Variants in ACSS3 observed in about 807,000 individuals in gnomAD.
The protein encoded by ACSS3 is acyl-CoA synthetase short-chain family member 3, mitochondrial.
ACSS3 carries 64 observed loss-of-function variants against 84.2 expected under a neutral mutation model. That is an observed-to-expected ratio of 0.76 (90% CI 0.62 to 0.94). ACSS3 has a LOEUF of 0.94. Ranked by LOEUF, ACSS3 falls within the 40% of genes least tolerant of loss-of-function variation. The pLI is 0.00. For synonymous variants in ACSS3, 317 were observed against 310.1 expected (o/e 1.02, Z -0.23); for missense variants, 815 against 867.6 (o/e 0.94, Z 0.76).
chr12:81,089,014 G>A (rs1219417372), intron 1 of ACSS3, among the ~76,000 whole-genome samples: 2 of 151,958 alleles, frequency 1.3e-5, no homozygotes, highest in African/African-American at 4.8e-5. Flanking sequence ...ATGTTTCCTG[G>A]ACAATAGAAA....
In ACSS3 at chr12:81,143,178, C is replaced by T; in HGVS notation, c.852C>T (p.Asp284=). Residue 284 remains aspartate (D), a synonymous_variant, in exon 5 of 16, where the codon GAC becomes GAT. Coordinates refer to ENST00000548058, the MANE Select transcript of ACSS3 (RefSeq NM_024560.4). ...DEEMAKAQSH[D]CVPVLSEHPL... is the part of the protein sequence containing the mutation. ...AGATGGCAAAAGCCCAGTCACATGA[C>T]TGTGTTCCTGTTCTTTCAGAACACC... 1 of 1,613,706 alleles carries T rather than the reference C, an allele frequency of 6.2e-7. No individual in the cohort carries two copies. Among genetic ancestry groups the T allele is most frequent in the Non-Finnish European group, 8.5e-7 (1 of 1,179,676 alleles).
chr12:81,209,611 T>C (rs1364396583), intron 9 of ACSS3, among the ~76,000 whole-genome samples: 2 of 152,056 alleles, frequency 1.3e-5, no homozygotes, highest in African/African-American at 4.8e-5. Flanking sequence ...TCACACAAGA[T>C]TGAATTCAGG....
At chr12:81,107,651 A>G (rs1455962146) in intron 1 of ACSS3, among the ~76,000 whole-genome samples, 1 of 149,512 alleles carries the variant, frequency 6.7e-6, no homozygotes, top group Non-Finnish European at 1.5e-5. Context: ...TTAGATATTT[A>G]TGGCCACAAT....
chr12:81,255,447 G>A lies in ACSS3; in HGVS notation c.*525G>A, dbSNP rs139862959. The A allele has an allele frequency of 7.9e-5, 12 of 152,326 alleles. No individual in the cohort carries two copies. Among genetic ancestry groups the A allele is most frequent in the African/African-American group, 2.9e-4 (12 of 41,548 alleles). 9.4% of individuals were successfully genotyped at this position (152,326 alleles called of 1,614,324 possible). On this transcript the variant is annotated 3_prime_UTR_variant, in exon 16 of 16. Transcript: ENST00000548058. ...GACAGATGAAATTATTATCTAGGTA[G>A]GAGGGCTTTTCTATACATTTTCTGA...
chr12:81,178,859 C>T (rs1593165445), intron 8 of ACSS3, among the ~76,000 whole-genome samples: 2 of 152,094 alleles, frequency 1.3e-5, no homozygotes, highest in Non-Finnish European at 2.9e-5. Flanking sequence ...ACAAAAAGAA[C>T]GAAGCCAGAG....
intron 1 of ACSS3, chr12:81,104,675 G>C (rs530894921): frequency 1.3e-5 from 2 of 151,974 alleles, no homozygotes; most frequent in East Asian, 3.9e-4. Flanking sequence ...AAAACCTCTT[G>C]GGAGCTTGAA....
At chr12:81,108,099 C>A (rs1296761295) in intron 1 of ACSS3, among the ~76,000 whole-genome samples, 2 of 151,896 alleles carry the variant, frequency 1.3e-5, no homozygotes, top group Admixed American at 1.3e-4. Flanking sequence ...TATTTTTGAA[C>A]AAACATGAGA....
chr12:81,229,576 C>G (rs534111798), intron 11 of ACSS3, among the ~76,000 whole-genome samples: 1 of 151,822 alleles, frequency 6.6e-6, no homozygotes, highest in Admixed American at 6.6e-5. Flanking sequence ...ACATAATAAG[C>G]TCAGTTAAGA....
intron 2 of ACSS3, among the ~76,000 whole-genome samples, chr12:81,121,915 A>ATATTATTAT (rs10527532): frequency 0.035 from 5,148 of 146,102 alleles, 219 homozygotes; most frequent in African/African-American, 0.094. Flanking sequence ...AGAGTATGCT[A>ATATTATTAT]TATTATTATT....
intron 8 of ACSS3, among the ~76,000 whole-genome samples, chr12:81,175,573 C>A (rs761181957): frequency 4.6e-5 from 7 of 152,024 alleles, no homozygotes; most frequent in Admixed American, 3.9e-4. Context: ...TTCTTATCTG[C>A]GTATGAGAAA....
chr12:81,243,745 A>T, intron 13 of ACSS3, among the ~76,000 whole-genome samples: 1 of 152,118 alleles, frequency 6.6e-6, no homozygotes, highest in East Asian at 1.9e-4. Flanking sequence ...ATAGCAAAAT[A>T]TTTCTAATTC....
intron 3 of ACSS3, among the ~76,000 whole-genome samples, chr12:81,138,496 T>C (rs979560577): frequency 4.6e-5 from 7 of 152,198 alleles, no homozygotes; most frequent in Non-Finnish European, 8.8e-5. Context: ...GTGTTTGTCT[T>C]GAAGAATGAC....
At chr12:81,245,506 A>G (rs925573011) in intron 13 of ACSS3, among the ~76,000 whole-genome samples, 13 of 152,116 alleles carry the variant, frequency 8.5e-5, no homozygotes, top group African/African-American at 3.1e-4. Flanking sequence ...AGGGGGCTGG[A>G]ATTGGATATT....
At chr12:81,128,063 C>G (rs1005715657) in intron 2 of ACSS3, among the ~76,000 whole-genome samples, 1 of 152,048 alleles carries the variant, frequency 6.6e-6, no homozygotes, top group African/African-American at 2.4e-5. Context: ...TTACTTCTGT[C>G]TGATGCATTA....
intron 1 of ACSS3, among the ~76,000 whole-genome samples, chr12:81,102,826 T>TAA (rs750745980): frequency 7.2e-6 from 1 of 139,764 alleles, no homozygotes. Context: ...AGACTGCATC[T>TAA]AAAAAAAAAA....
At position 81,239,320 on chromosome 12, in the gene ACSS3, T is replaced by C. The variant is rs575917538; in HGVS notation, c.1719+5849T>C. On this transcript the variant is annotated intron_variant, in intron 13 of 15. Transcript: ENST00000548058. ...TCCATTTAAGTTTGAAAAAAATGTG[T>C]AATCTTCATTCAACAATTTCATTCA... is the stretch of plus-strand genomic sequence containing the variant. 2.0e-4 allele frequency among the ~76,000 whole-genome samples: 31 copies of C among 152,084 alleles called. No individual in the cohort carries two copies. In the South Asian group the frequency reaches 5.8e-3, roughly 28 times the overall value.
intron 9 of ACSS3, among the ~76,000 whole-genome samples, chr12:81,206,155 T>C (rs892932182): frequency 5.3e-5 from 8 of 152,156 alleles, no homozygotes; most frequent in African/African-American, 1.7e-4. Flanking sequence ...TTTTGCTTTT[T>C]AACTACTTGT....
chr12:81,150,811 A>G (rs1466853172), intron 5 of ACSS3, among the ~76,000 whole-genome samples: 1 of 152,228 alleles, frequency 6.6e-6, no homozygotes, highest in East Asian at 1.9e-4. Context: ...GTTAAGGTGC[A>G]GAGCTATGCT....
chr12:81,243,795 C>G (rs1379941987), intron 13 of ACSS3, among the ~76,000 whole-genome samples: 1 of 152,166 alleles, frequency 6.6e-6, no homozygotes, highest in Non-Finnish European at 1.5e-5. Flanking sequence ...CATTCACTTG[C>G]TAGCACATTA....
Sources: gnomAD v4.1 joint callset for allele counts (sites outside exome capture counted in the v4.1 genomes callset) on GRCh38, gnomAD v4.1.1 for gene constraint, MANE v1.5 for transcripts, NCBI Gene and HGNC (gene_info 2026-07-23, HGNC 2026-07-21) for gene names.